TECR: variants seen among roughly 807,000 people sequenced by gnomAD.
The protein encoded by TECR is very-long-chain enoyl-CoA reductase.
Under a neutral mutation model 50.6 loss-of-function variants are expected in TECR, and 19 were observed. The observed-to-expected ratio is 0.38, with a 90% confidence interval of 0.26 to 0.55. TECR has a LOEUF of 0.55. Ranked by LOEUF, TECR falls within the 20% of genes least tolerant of loss-of-function variation. The pLI is 0.79. For synonymous variants in TECR, 168 were observed against 163.5 expected (o/e 1.03, Z -0.21); for missense variants, 313 against 408.3 (o/e 0.77, Z 2.01).
upstream of TECR, chr19:14,529,560 G>A (rs745620953): frequency 1.2e-5 from 16 of 1,354,884 alleles, no homozygotes; most frequent in Non-Finnish European, 1.6e-5. Flanking sequence ...CGGGGCGCGC[G>A]CGGCCTGGAG....
intron 1 of TECR, among the ~76,000 whole-genome samples, chr19:14,539,345 T>C (rs1391948269): frequency 6.6e-6 from 1 of 151,932 alleles, no homozygotes; most frequent in African/African-American, 2.4e-5. Flanking sequence ...GGGAAGACCC[T>C]TGGGGAAGTC....
intron 1 of TECR, among the ~76,000 whole-genome samples, chr19:14,533,635 A>G (rs2072755714): frequency 6.6e-6 from 1 of 152,120 alleles, no homozygotes; most frequent in African/African-American, 2.4e-5. Context: ...TTATCATGGC[A>G]GTTGGGATCC....
In TECR at chr19:14,555,094, A is replaced by C. The variant is rs189455041; in HGVS notation, c.16-7431A>C. Among the ~76,000 whole-genome samples the C allele has an allele frequency of 6.2e-4, 92 of 147,894 alleles. 1 individual carries two copies. The highest frequency in any genetic ancestry group is 3.5e-3 in the Middle Eastern group (1 of 288). ...GCCTGGCCTTGTTTTTTTTTTTTTG[A>C]GACAGGGTCTTGCTTTGTCCCCCAG... is the stretch of plus-strand genomic sequence containing the variant. On this transcript the variant is annotated intron_variant, in intron 1 of 12. Transcript: ENST00000215567.
Position 14,563,899 on chromosome 19 carries a change from T to C in TECR, c.263T>C (p.Val88Ala). 1 of 1,614,014 alleles carries C rather than the reference T, an allele frequency of 6.2e-7. No homozygotes were observed. Among genetic ancestry groups the C allele is most frequent in the Non-Finnish European group, 8.5e-7 (1 of 1,179,922 alleles). Residue 88 changes from valine (V) to alanine (A), a missense_variant, in exon 5 of 13, where the codon GTG (valine) becomes GCG (alanine). Transcript: ENST00000215567. The surrounding 1 kb of genome is among the most constrained non-coding windows in gnomAD (Gnocchi z 5.3). ...FRDLGAQISWVTVFLTEYAGP... is the reference protein window; with the variant it reads ...FRDLGAQISWATVFLTEYAGP... ...GACCTGGGGGCCCAGATCAGCTGGG[T>C]GACGGTGAGTCCTGACCCTACCCAC...
intron 1 of TECR, 54 bp from the exon 2 acceptor site, chr19:14,562,470 GC>G: frequency 1.2e-6 from 2 of 1,609,952 alleles, no homozygotes; most frequent in Non-Finnish European, 1.7e-6. Context: ...GGCTCCCCAG[GC>G]CCACACCCCC....
rs1047363868 is a variant in TECR at position 14,564,173 on chromosome 19, C to G, written c.384-9C>G. Reference sequence around the variant, plus strand: ...ACCAGCCCCAGCTGAGCCTGCTCCCCCCGACCAGCCTCGCCTGCATCTGTC... The same window carrying G: ...ACCAGCCCCAGCTGAGCCTGCTCCCGCCGACCAGCCTCGCCTGCATCTGTC... On this transcript the variant is annotated splice_polypyrimidine_tract_variant and intron_variant, in intron 6 of 12. Transcript: ENST00000215567. 7 of 1,606,488 alleles carry G rather than the reference C, an allele frequency of 4.4e-6. No homozygotes were observed. The highest frequency in any genetic ancestry group is 5.9e-6 in the Non-Finnish European group (7 of 1,179,672).
chr19:14,551,910 TCCCCCTCC>T (rs2073523249), intron 1 of TECR, among the ~76,000 whole-genome samples: 1 of 140,392 alleles, frequency 7.1e-6, no homozygotes, highest in Non-Finnish European at 1.6e-5. Flanking sequence ...TCTCTCTCTC[TCCCCCTCC>T]CTCCCTCCCT....
At chr19:14,557,114 C>CTTATTTATTTATTTATTTATTTATTTAT (rs3050003) in intron 1 of TECR, among the ~76,000 whole-genome samples, 10 of 140,450 alleles carry the variant, frequency 7.1e-5, no homozygotes, top group Admixed American at 1.4e-4. Context: ...TTGGTCTAAT[C>CTTATTTATTTATTTATTTATTTATTTAT]TTATTTATTT....
Position 14,557,168 on chromosome 19 carries a change from C to T in TECR, c.16-5357C>T, listed in dbSNP as rs539171345. 1.9e-3 allele frequency among the ~76,000 whole-genome samples: 210 copies of T among 111,944 alleles called. 5 individuals are homozygous for T. In the South Asian group the frequency reaches 0.054, roughly 29 times the overall value. 73.4% of individuals were successfully genotyped at this position (111,944 alleles called of 152,430 possible). A position where few individuals can be genotyped will look rare whatever the true frequency, so the allele number is the denominator to read the frequency against. ...TTATTTATTTATTTTGAGACAGGGTCTTGCTGTGTCGCCCAGGCTGGAGTG... is the reference window on the plus strand; with the variant it reads ...TTATTTATTTATTTTGAGACAGGGTTTTGCTGTGTCGCCCAGGCTGGAGTG... On this transcript the variant is annotated intron_variant, in intron 1 of 12. Coordinates refer to ENST00000215567, the MANE Select transcript of TECR (RefSeq NM_138501.6).
chr19:14,561,237 A>G (rs1484005934), intron 1 of TECR, among the ~76,000 whole-genome samples: 1 of 152,058 alleles, frequency 6.6e-6, no homozygotes, highest in Non-Finnish European at 1.5e-5. Flanking sequence ...GTTTCTGAGC[A>G]TTGTGTCCTG....
chr19:14,545,565 C>G (rs943264839), intron 1 of TECR, among the ~76,000 whole-genome samples: 6 of 152,202 alleles, frequency 3.9e-5, no homozygotes, highest in Non-Finnish European at 8.8e-5. Flanking sequence ...GCCCTTGGAT[C>G]GCTGCCCGCA....
Position 14,557,120 on chromosome 19 carries a change from T to A in TECR, c.16-5405T>A, listed in dbSNP as rs1484634337. ...CTGCTAGTGTTGGTCTAATCTTATT[T>A]ATTTATTTATTTATTTATTTATTTA... On this transcript the variant is annotated intron_variant, in intron 1 of 12. Coordinates refer to ENST00000215567, the MANE Select transcript of TECR (RefSeq NM_138501.6). Among the ~76,000 whole-genome samples the A allele has an allele frequency of 3.0e-3, 414 of 139,862 alleles. 4 individuals carry two copies. The highest frequency in any genetic ancestry group is 0.011 in the African/African-American group (398 of 35,738). 91.8% of individuals were successfully genotyped at this position (139,862 alleles called of 152,430 possible). A position where few individuals can be genotyped will look rare whatever the true frequency, so the allele number is the denominator to read the frequency against.
At chr19:14,553,215 C>T (rs966612902) in intron 1 of TECR, among the ~76,000 whole-genome samples, 18 of 152,200 alleles carry the variant, frequency 1.2e-4, no homozygotes, top group African/African-American at 4.1e-4. Context: ...TGGATGGGAA[C>T]AGCAGCTCCA....
intron 1 of TECR, among the ~76,000 whole-genome samples, chr19:14,553,574 G>T (rs2073613244): frequency 6.6e-6 from 1 of 152,140 alleles, no homozygotes; most frequent in Non-Finnish European, 1.5e-5. Context: ...TGAGCCCTAG[G>T]TCTTCTCAGC....
upstream of TECR, chr19:14,529,424 G>T: frequency 4.9e-6 from 3 of 610,180 alleles, no homozygotes; most frequent in South Asian, 5.5e-5. Context: ...TCCTACAGGC[G>T]TTCCGCCCCC....
In TECR at chr19:14,564,948, G is replaced by C. The variant is rs1299282374; in HGVS notation, c.563-1G>C. 2 of 1,614,024 alleles carry C rather than the reference G, an allele frequency of 1.2e-6. No homozygotes were observed. Among genetic ancestry groups the C allele is most frequent in the Non-Finnish European group, 1.7e-6 (2 of 1,180,016 alleles). On this transcript the variant is annotated splice_acceptor_variant, in intron 8 of 12. Coordinates refer to ENST00000215567, the MANE Select transcript of TECR (RefSeq NM_138501.6). LOFTEE classifies it high-confidence loss of function. The stretch of plus-strand genomic sequence containing the variant: ...GGCTCCCCTCCCTGCTTCCTCTTCA[G>C]CCTACGGAGCTCAGCAGGTGAAACT...
intron 1 of TECR, among the ~76,000 whole-genome samples, chr19:14,556,057 C>G (rs1432483942): frequency 6.6e-6 from 1 of 152,200 alleles, no homozygotes; most frequent in African/African-American, 2.4e-5. Flanking sequence ...CCACTTCACT[C>G]AGAGTAAAAG....
chr19:14,541,360 C>T (rs181304264), intron 1 of TECR, among the ~76,000 whole-genome samples: 18 of 152,312 alleles, frequency 1.2e-4, no homozygotes, highest in African/African-American at 3.8e-4. Context: ...CATCTCAACC[C>T]TCCTGGCACA....
chr19:14,547,031 T>C (rs1361705197), intron 1 of TECR, among the ~76,000 whole-genome samples: 2 of 152,260 alleles, frequency 1.3e-5, no homozygotes, highest in African/African-American at 4.8e-5. Flanking sequence ...CATGATAGGG[T>C]AATCAGTGCT....
Sources: gnomAD v4.1 joint callset for allele counts (sites outside exome capture counted in the v4.1 genomes callset) on GRCh38, gnomAD v4.1.1 for gene constraint, Gnocchi (gnomAD v3.1) non-coding constraint, MANE v1.5 for transcripts, NCBI Gene and HGNC (gene_info 2026-07-23, HGNC 2026-07-21) for gene names.